The following SH3RF2 variants were observed in gnomAD, a reference collection of about 807,000 sequenced individuals.
SH3RF2 encodes the protein E3 ubiquitin-protein ligase SH3RF2.
Under a neutral mutation model 59.0 loss-of-function variants are expected in SH3RF2, and 43 were observed. That is an observed-to-expected ratio of 0.73 (90% CI 0.57 to 0.94). The LOEUF is 0.94. SH3RF2 is among the 40% of genes least tolerant of loss of function. SH3RF2 has a pLI of 0.00. For missense variants in SH3RF2, 930 were observed against 940.1 expected, an observed-to-expected ratio of 0.99 and a Z score of 0.14; for synonymous variants, 391 against 391.5, an observed-to-expected ratio of 1.00 and a Z score of 0.01.
chr5:145,940,402 C>T (rs1015182799), intron 2 of SH3RF2, among the ~76,000 whole-genome samples: 2 of 152,226 alleles, frequency 1.3e-5, no homozygotes, highest in African/African-American at 4.8e-5. Context: ...CTGCAACGTG[C>T]CTCTGCTCCC....
At chr5:145,965,547 A>G (rs545316722) in intron 2 of SH3RF2, among the ~76,000 whole-genome samples, 1 of 152,320 alleles carries the variant, frequency 6.6e-6, no homozygotes, top group Non-Finnish European at 1.5e-5. Context: ...AGTTATATTC[A>G]TTTCAACGAA....
At chr5:146,001,019 CA>C (rs1450696360) in intron 3 of SH3RF2, among the ~76,000 whole-genome samples, 2 of 152,164 alleles carry the variant, frequency 1.3e-5, no homozygotes, top group Non-Finnish European at 2.9e-5. Context: ...ACATCTCATT[CA>C]AAACACTCCA....
At chr5:146,048,149 C>CA (rs763973918) in intron 6 of SH3RF2, among the ~76,000 whole-genome samples, 6 of 151,734 alleles carry the variant, frequency 4.0e-5, no homozygotes, top group Admixed American at 1.3e-4. Flanking sequence ...CTCATCTCTA[C>CA]AAAAAAAATT....
chr5:145,945,073 A>G (rs1231064871), intron 2 of SH3RF2, among the ~76,000 whole-genome samples: 3 of 152,248 alleles, frequency 2.0e-5, no homozygotes, highest in Non-Finnish European at 4.4e-5. Flanking sequence ...ACATACATGT[A>G]TCAAAATTAG....
intron 2 of SH3RF2, among the ~76,000 whole-genome samples, chr5:145,964,291 C>T (rs1389738981): frequency 1.8e-4 from 24 of 133,824 alleles, no homozygotes; most frequent in Non-Finnish European, 3.1e-4. Context: ...TTCCTTCCTT[C>T]CTTCCTTCCT....
chr5:146,013,962 G>A lies in SH3RF2; in HGVS notation c.960G>A (p.Met320Ile). Residue 320 changes from methionine to isoleucine, a missense_variant, in exon 5 of 10, where the codon ATG becomes ATA. Met to Ile is a conservative substitution (Grantham distance 10). Transcript: ENST00000359120. ...TCCATTCTCCTTCAGGGCGCCATAT[G>A]GTAGAGATCAGCACCCCAGTGCTCA... ...RMVHSPSGRH[M>I]VEISTPVLIS... 1.2e-6 allele frequency: 2 copies of A among 1,614,064 alleles called. No individual in the cohort carries two copies. The highest frequency in any genetic ancestry group is 1.7e-6 in the Non-Finnish European group (2 of 1,180,002).
At chr5:146,022,659 G>A (rs1761368279) in intron 5 of SH3RF2, among the ~76,000 whole-genome samples, 1 of 152,012 alleles carries the variant, frequency 6.6e-6, no homozygotes, top group African/African-American at 2.4e-5. Context: ...AGATACTTGA[G>A]GTCAGGAGTT....
intron 5 of SH3RF2, among the ~76,000 whole-genome samples, chr5:146,037,176 G>C (rs1761964871): frequency 6.6e-6 from 1 of 152,150 alleles, no homozygotes; most frequent in Admixed American, 6.5e-5. Context: ...CACTTTGCTT[G>C]CATGTTCTGA....
chr5:146,062,968 C>A lies in SH3RF2; in HGVS notation c.*267C>A. 1 of 492,160 alleles carries A rather than the reference C, an allele frequency of 2.0e-6. No individual in the cohort carries two copies. Among genetic ancestry groups the A allele is most frequent in the Admixed American group, 3.7e-5 (1 of 27,150 alleles). The allele number at this position is 492,160 out of a possible 1,614,324, so 30.5% of individuals were successfully genotyped here. A position where few individuals can be genotyped will look rare whatever the true frequency, so the allele number is the denominator to read the frequency against. On this transcript the variant is annotated 3_prime_UTR_variant, in exon 10 of 10. Transcript: ENST00000359120. Reference sequence around the variant, plus strand: ...CCAAGGAGTGAAAAATTGTCGTGCCCACTTTATGCCCCAGCATGGAGTATG... The same window carrying A: ...CCAAGGAGTGAAAAATTGTCGTGCCAACTTTATGCCCCAGCATGGAGTATG...
intron 5 of SH3RF2, among the ~76,000 whole-genome samples, chr5:146,017,911 T>C (rs1317432376): frequency 1.3e-5 from 2 of 151,922 alleles, no homozygotes; most frequent in African/African-American, 2.4e-5. Flanking sequence ...GCCACTTCTC[T>C]TCCCCAAACC....
In SH3RF2 at chr5:146,063,061, G is replaced by A. The variant is rs1354226847; in HGVS notation, c.*360G>A. On this transcript the variant is annotated 3_prime_UTR_variant, in exon 10 of 10. Coordinates refer to ENST00000359120, the MANE Select transcript of SH3RF2 (RefSeq NM_152550.4). ...GTGTCCTAAAGGGGGCTGCAGCAGGGGTGTGACAACGGTGGGATTGTTGGC... is the reference window on the plus strand; with the variant it reads ...GTGTCCTAAAGGGGGCTGCAGCAGGAGTGTGACAACGGTGGGATTGTTGGC... 2.5e-5 allele frequency: 6 copies of A among 235,898 alleles called. No individual in the cohort carries two copies. The South Asian group carries it at 3.4e-4, about 13-fold the overall frequency. The allele number at this position is 235,898 out of a possible 1,614,324, so 14.6% of individuals were successfully genotyped here.
At chr5:146,027,818 T>G (rs1380352934) in intron 5 of SH3RF2, among the ~76,000 whole-genome samples, 2 of 152,140 alleles carry the variant, frequency 1.3e-5, no homozygotes, top group African/African-American at 4.8e-5. Context: ...CTGAGGTCAC[T>G]CCAGAAAGCG....
At chr5:146,024,929 C>T (rs1761473605) in intron 5 of SH3RF2, among the ~76,000 whole-genome samples, 1 of 152,166 alleles carries the variant, frequency 6.6e-6, no homozygotes, top group Non-Finnish European at 1.5e-5. Flanking sequence ...TGATTCTATT[C>T]AAGTGTCAGC....
At chr5:146,000,574 G>A (rs1348316427) in intron 3 of SH3RF2, among the ~76,000 whole-genome samples, 4 of 152,102 alleles carry the variant, frequency 2.6e-5, no homozygotes, top group Non-Finnish European at 4.4e-5. Flanking sequence ...AGAAATCTAC[G>A]AATAAGTGAT....
At chr5:146,069,866 G>C (rs1172121530) in intron 9 of SH3RF2, among the ~76,000 whole-genome samples, 2 of 151,850 alleles carry the variant, frequency 1.3e-5, no homozygotes, top group Admixed American at 1.3e-4. Flanking sequence ...GAGCCACCAT[G>C]CCTGGCCTGA....
chr5:145,969,766 TA>T (rs1446725151), intron 2 of SH3RF2, among the ~76,000 whole-genome samples: 14 of 151,590 alleles, frequency 9.2e-5, no homozygotes, highest in African/African-American at 2.9e-4. Context: ...TACAAACAAA[TA>T]AATCATTATT....
intron 5 of SH3RF2, among the ~76,000 whole-genome samples, chr5:146,031,637 C>T (rs1464420842): frequency 2.0e-5 from 3 of 152,318 alleles, no homozygotes; most frequent in South Asian, 4.1e-4. Context: ...GGCAGCAATG[C>T]CAAGCTCTGC....
At chr5:146,070,122 G>A (rs774652992) in intron 9 of SH3RF2, among the ~76,000 whole-genome samples, 1 of 152,062 alleles carries the variant, frequency 6.6e-6, no homozygotes, top group Non-Finnish European at 1.5e-5. Context: ...CAGAAGTACT[G>A]CTATTTTCCC....
rs116032220 is a variant in SH3RF2, at chr5:146,070,195, A to C, written c.*33+7461A>C. On this transcript the variant is annotated intron_variant, in intron 9 of 9. Coordinates refer to the SH3RF2 transcript ENST00000511217. ...ACCTGTCCAAGGCAATAAGGACTAG[A>C]ACCCAGGACTCTAAGCCAAAACCTT... 7.9e-3 allele frequency among the ~76,000 whole-genome samples: 1,202 copies of C among 152,306 alleles called. 19 individuals carry two copies. The highest frequency in any genetic ancestry group is 0.027 in the African/African-American group (1,140 of 41,572).
Sources: allele counts gnomAD v4.1 joint callset (sites outside exome capture counted in the v4.1 genomes callset), GRCh38; gene constraint gnomAD v4.1.1; transcripts MANE v1.5; gene names NCBI Gene and HGNC (gene_info 2026-07-23, HGNC 2026-07-21).